The following MYO5B variants were observed in gnomAD, a reference collection of about 807,000 sequenced individuals.
MYO5B encodes myosin VB.
MYO5B carries 143 observed loss-of-function variants against 229.3 expected under a neutral mutation model. The ratio of observed to expected loss-of-function variants is 0.62; its 90% confidence interval spans 0.54 to 0.72. The LOEUF (loss-of-function observed/expected upper bound fraction) is 0.72. Among genes scored for constraint, MYO5B ranks in the 30% least tolerant of loss-of-function variants. The probability of loss-of-function intolerance (pLI) is 0.00; values close to 1 mark genes in which losing one functional copy is unlikely to be tolerated. For synonymous variants in MYO5B, 918 were observed against 885.2 expected, an observed-to-expected ratio of 1.04 and a Z score of -0.66; for missense variants, 2,321 against 2,331.0, an observed-to-expected ratio of 1.00 and a Z score of 0.09.
chr18:50,039,284 G>A (rs1389274879), intron 3 of MYO5B, among the ~76,000 whole-genome samples: 1 of 152,148 alleles, frequency 6.6e-6, no homozygotes, highest in Admixed American at 6.5e-5. Flanking sequence ...GAGAGAGAGA[G>A]ATCAGAATTT....
chr18:50,028,498 G>A (rs2026355133), intron 4 of MYO5B, among the ~76,000 whole-genome samples: 1 of 152,144 alleles, frequency 6.6e-6, no homozygotes, highest in Admixed American at 6.5e-5. Context: ...GGGGGAGCCA[G>A]GAGGCTTGGG....
chr18:49,895,109 T>C lies in MYO5B; in HGVS notation c.2877A>G (p.Val959=). 1.2e-6 allele frequency: 2 copies of C among 1,614,222 alleles called. No individual in the cohort carries two copies. The highest frequency in any genetic ancestry group is 1.7e-6 in the Non-Finnish European group (2 of 1,180,044). The change falls in exon 22 of 40, where the codon GTA becomes GTG. Residue 959 remains valine (V), a synonymous_variant. Coordinates refer to ENST00000285039, the MANE Select transcript of MYO5B (RefSeq NM_001080467.3). ...SVTTSTYTME[V]ERLKKELVHY... ...GCACCAGCTCCTTCTTCAGCCGCTC[T>C]ACCTCCATGGTGTATGTTGAGGTGG...
At chr18:50,068,098 G>C (rs995011799) in intron 1 of MYO5B, among the ~76,000 whole-genome samples, 2 of 151,654 alleles carry the variant, frequency 1.3e-5, no homozygotes, top group Non-Finnish European at 2.9e-5. Flanking sequence ...AAATCCAAAG[G>C]AGCTCAGAAT....
chr18:49,987,143 C>A (rs185127710), intron 7 of MYO5B, among the ~76,000 whole-genome samples: 5 of 152,288 alleles, frequency 3.3e-5, no homozygotes, highest in Admixed American at 3.3e-4. Context: ...CCCCGCCTTC[C>A]GAGATCCCAG....
At chr18:50,097,032 C>T (rs912846731) in intron 1 of MYO5B, among the ~76,000 whole-genome samples, 2 of 151,972 alleles carry the variant, frequency 1.3e-5, no homozygotes. Flanking sequence ...CTGCAGCATG[C>T]ATTGTCAGTC....
chr18:49,982,931 CCTTAT>C (rs1041633506), intron 8 of MYO5B, among the ~76,000 whole-genome samples: 8 of 152,170 alleles, frequency 5.3e-5, no homozygotes, highest in Non-Finnish European at 1.2e-4. Flanking sequence ...GCAATCCTCT[CCTTAT>C]ATCAGCTTGT....
At chr18:49,882,642 GAA>G (rs1389697336) in intron 22 of MYO5B, among the ~76,000 whole-genome samples, 50 of 66,988 alleles carry the variant, frequency 7.5e-4, no homozygotes, top group Non-Finnish European at 4.2e-4. Context: ...AAAAAAAAAA[GAA>G]AGAGGAAACC....
intron 1 of MYO5B, among the ~76,000 whole-genome samples, chr18:50,069,012 C>T (rs1183219992): frequency 6.6e-6 from 1 of 152,088 alleles, no homozygotes; most frequent in Non-Finnish European, 1.5e-5. Flanking sequence ...CAGTTTAGTG[C>T]TTTGTTTTCA....
intron 4 of MYO5B, among the ~76,000 whole-genome samples, chr18:50,009,480 T>C (rs55750082): frequency 0.068 from 10,299 of 152,132 alleles, 543 homozygotes; most frequent in African/African-American, 0.15. Context: ...CACAAAACTA[T>C]ATTAATATAA....
chr18:49,937,738 G>A (rs1034909113), intron 14 of MYO5B, among the ~76,000 whole-genome samples: 9 of 151,462 alleles, frequency 5.9e-5, no homozygotes, highest in East Asian at 3.9e-4. Context: ...AGACACAAAC[G>A]TTCGTATAGT....
chr18:50,164,484 G>A (rs1304880683), intron 1 of MYO5B, among the ~76,000 whole-genome samples: 1 of 152,072 alleles, frequency 6.6e-6, no homozygotes, highest in East Asian at 1.9e-4. Flanking sequence ...TCTGTTTAAG[G>A]GAAATGCCCC....
chr18:50,177,364 T>C (rs2033012021), intron 1 of MYO5B, among the ~76,000 whole-genome samples: 1 of 152,206 alleles, frequency 6.6e-6, no homozygotes, highest in Admixed American at 6.5e-5. Flanking sequence ...GCAGCTACAA[T>C]AATCAAATGC....
intron 19 of MYO5B, 76 bp from the exon 20 acceptor site, chr18:49,904,904 T>C: frequency 1.9e-6 from 3 of 1,543,550 alleles, no homozygotes; most frequent in Non-Finnish European, 1.8e-6. Context: ...CTGAGACATC[T>C]GCAAATGCAA....
At chr18:50,055,441 G>C (rs1207406918) in intron 1 of MYO5B, 63 bp from the exon 2 acceptor site, 7 of 1,371,952 alleles carry the variant, frequency 5.1e-6, no homozygotes, top group Non-Finnish European at 6.2e-6. Flanking sequence ...CTAAATGTGT[G>C]TCACTACCTA....
intron 17 of MYO5B, among the ~76,000 whole-genome samples, chr18:49,917,380 AG>A (rs2025028644): frequency 6.6e-6 from 1 of 151,998 alleles, no homozygotes. Context: ...GGTGTGGGAC[AG>A]TCCTAACACC....
intron 1 of MYO5B, among the ~76,000 whole-genome samples, chr18:50,094,661 G>C (rs945459044): frequency 9.9e-5 from 15 of 152,126 alleles, no homozygotes; most frequent in African/African-American, 3.6e-4. Flanking sequence ...GACCAGTGTT[G>C]CTTTTATCAA....
intron 27 of MYO5B, among the ~76,000 whole-genome samples, chr18:49,865,090 A>C (rs2024380799): frequency 1.3e-5 from 2 of 152,270 alleles, no homozygotes; most frequent in African/African-American, 4.8e-5. Flanking sequence ...ACCCTGGGAT[A>C]CATGAGATTC....
intron 26 of MYO5B, 22 bp from the exon 27 acceptor site, chr18:49,872,254 G>A (rs765460166): frequency 3.1e-6 from 5 of 1,612,156 alleles, no homozygotes. Flanking sequence ...GAGACACAAA[G>A]ATAAGTGCAG....
At chr18:49,996,662 T>C (rs2025990816) in intron 5 of MYO5B, among the ~76,000 whole-genome samples, 1 of 152,088 alleles carries the variant, frequency 6.6e-6, no homozygotes, top group African/African-American at 2.4e-5. Flanking sequence ...GATTGTACAA[T>C]AAAGAGGTAT....
Sources: gnomAD v4.1 joint callset for allele counts (sites outside exome capture counted in the v4.1 genomes callset) on GRCh38, gnomAD v4.1.1 for gene constraint, MANE v1.5 for transcripts, NCBI Gene and HGNC (gene_info 2026-07-23, HGNC 2026-07-21) for gene names.